Variants in GNPAT observed in about 807,000 individuals in gnomAD.
GNPAT encodes glyceronephosphate O-acyltransferase, also known as dihydroxyacetone phosphate acyltransferase.
GNPAT carries 30 observed loss-of-function variants against 78.4 expected under a neutral mutation model. That is an observed-to-expected ratio of 0.38 (90% CI 0.29 to 0.52). The LOEUF (loss-of-function observed/expected upper bound fraction) is 0.52. Ranked by LOEUF, GNPAT falls within the 20% of genes least tolerant of loss-of-function variation. The probability of loss-of-function intolerance (pLI) is 0.84; values close to 1 mark genes in which losing one functional copy is unlikely to be tolerated. For synonymous variants in GNPAT, 271 were observed against 281.1 expected (o/e 0.96, Z 0.36); for missense variants, 714 against 812.2 (o/e 0.88, Z 1.47).
intron 12 of GNPAT, chr1:231,274,928 A>G (rs1464375039): frequency 5.7e-6 from 2 of 352,476 alleles, no homozygotes; most frequent in South Asian, 2.6e-5. Context: ...CCCAAGTAGC[A>G]TAAGAGATAC....
At chr1:231,249,196 G>T (rs893124682) in intron 1 of GNPAT, among the ~76,000 whole-genome samples, 3 of 152,210 alleles carry the variant, frequency 2.0e-5, no homozygotes, top group Non-Finnish European at 2.9e-5. Context: ...TGTGGGATTT[G>T]AGAAGGTTTT....
intron 2 of GNPAT, among the ~76,000 whole-genome samples, chr1:231,254,346 A>G (rs938696036): frequency 2.0e-5 from 3 of 152,172 alleles, no homozygotes; most frequent in African/African-American, 7.2e-5. Context: ...TCATTCTCCA[A>G]AATGACAGTT....
chr1:231,254,262 C>T (rs1345099236), intron 2 of GNPAT, among the ~76,000 whole-genome samples: 1 of 152,202 alleles, frequency 6.6e-6, no homozygotes, highest in Non-Finnish European at 1.5e-5. Context: ...TGGAATCGTA[C>T]AAATTCATAA....
Position 231,267,821 on chromosome 1 carries a change from C to T in GNPAT, c.1197C>T (p.Ser399=). The change falls in exon 9 of 16, where the codon TCC becomes TCT. Residue 399 remains serine (S), a synonymous_variant. Transcript: ENST00000366647. Reference sequence around the variant, plus strand: ...CTGTTCTGCTTCAGAACCGGCCATCCATGGACTTTGATGCTCTGGTGGAAA... The same window carrying T: ...CTGTTCTGCTTCAGAACCGGCCATCTATGGACTTTGATGCTCTGGTGGAAA... The part of the protein sequence containing the change: ...IVAVLLQNRP[S]MDFDALVEKT... 1 of 1,613,794 alleles carries T rather than the reference C, an allele frequency of 6.2e-7. No homozygotes were observed. Among genetic ancestry groups the T allele is most frequent in the South Asian group, 1.1e-5 (1 of 91,068 alleles).
At chr1:231,252,357 C>A (rs531459097) in intron 2 of GNPAT, among the ~76,000 whole-genome samples, 1 of 152,134 alleles carries the variant, frequency 6.6e-6, no homozygotes, top group Non-Finnish European at 1.5e-5. Context: ...TAAGAGGGAA[C>A]CAGTTTGGGA....
intron 9 of GNPAT, chr1:231,269,867 C>T (rs1685508690): frequency 6.6e-6 from 1 of 152,060 alleles, no homozygotes; most frequent in East Asian, 1.9e-4. Flanking sequence ...ATGCAGATTA[C>T]CCCACATTCC....
At chr1:231,241,507 C>T (rs941322333) in intron 1 of GNPAT, 51 bp downstream of exon 1, 1 of 1,283,744 alleles carries the variant, frequency 7.8e-7, no homozygotes, top group Admixed American at 1.7e-5. Context: ...GAAATAGTAC[C>T]CCTTTCTCCC....
At chr1:231,264,397 T>C (rs1685315877) in intron 4 of GNPAT, among the ~76,000 whole-genome samples, 1 of 152,240 alleles carries the variant, frequency 6.6e-6, no homozygotes, top group African/African-American at 2.4e-5. Flanking sequence ...AATACATTTT[T>C]ATATTGGTGC....
chr1:231,241,442 G>C lies in GNPAT; in HGVS notation c.64G>C (p.Val22Leu), dbSNP rs1158735600. The C allele has an allele frequency of 6.2e-7, 1 of 1,612,620 alleles. No homozygotes were observed. The highest frequency in any genetic ancestry group is 1.1e-5 in the South Asian group (1 of 91,044). The part of the protein sequence containing the change: ...SVGPTSPSAV[V>L]LLYSKELKKW... Reference sequence around the variant, plus strand: ...TGGCCCAACCAGTCCCAGCGCTGTCGTGCTCCTCTACTCGGTAGGCGCCCA... The same window carrying C: ...TGGCCCAACCAGTCCCAGCGCTGTCCTGCTCCTCTACTCGGTAGGCGCCCA... Residue 22 changes from valine to leucine, a missense_variant, in exon 1 of 16, where the codon GTG (valine) becomes CTG (leucine). Transcript: ENST00000366647.
chr1:231,274,412 T>C (rs1685654276), intron 12 of GNPAT, among the ~76,000 whole-genome samples: 1 of 152,200 alleles, frequency 6.6e-6, no homozygotes, highest in Non-Finnish European at 1.5e-5. Flanking sequence ...AGGTTTGATA[T>C]ATATCAGGCA....
chr1:231,270,950 G>C lies in GNPAT; in HGVS notation c.1472G>C (p.Arg491Pro). Reference sequence around the variant, plus strand: ...AACCAGCTGCTCAACATTTTTGTGCGCCCATCCTTAGTAGCAGTAGCATTG... The same window carrying C: ...AACCAGCTGCTCAACATTTTTGTGCCCCCATCCTTAGTAGCAGTAGCATTG... ...YRNQLLNIFVRPSLVAVALQM... is the reference protein window; with the variant it reads ...YRNQLLNIFVPPSLVAVALQM... Residue 491 changes from arginine to proline, a missense_variant, in exon 10 of 16, where the codon CGC becomes CCC. Coordinates refer to ENST00000366647, the MANE Select transcript of GNPAT (RefSeq NM_014236.4). The C allele has an allele frequency of 6.2e-7, 1 of 1,613,880 alleles. No homozygotes were observed. The highest frequency in any genetic ancestry group is 8.5e-7 in the Non-Finnish European group (1 of 1,179,810).
chr1:231,263,754 C>T (rs1325570771), intron 4 of GNPAT, among the ~76,000 whole-genome samples: 1 of 152,012 alleles, frequency 6.6e-6, no homozygotes, highest in Admixed American at 6.6e-5. Context: ...TTGCCAACAC[C>T]TGTTATTTTC....
At chr1:231,258,540 G>C (rs1685128705) in intron 2 of GNPAT, among the ~76,000 whole-genome samples, 1 of 151,594 alleles carries the variant, frequency 6.6e-6, no homozygotes, top group Non-Finnish European at 1.5e-5. Context: ...TCTATAAACA[G>C]GTCCGAGGCT....
chr1:231,251,121 A>C lies in GNPAT; in HGVS notation c.239A>C (p.Glu80Ala). 6.3e-7 allele frequency: 1 copy of C among 1,585,150 alleles called. No individual in the cohort carries two copies. Residue 80 changes from glutamate to alanine, a missense_variant, in exon 2 of 16, where the codon GAG becomes GCG. Coordinates refer to ENST00000366647, the MANE Select transcript of GNPAT (RefSeq NM_014236.4). ...DIKCSVLNSEEIHYVIKQLSK... is the reference protein window; with the variant it reads ...DIKCSVLNSEAIHYVIKQLSK... ...AAATGTAGTGTTCTCAATTCTGAGG[A>C]GATTCATTATGTCATTAAACAGGTA...
At chr1:231,266,215 A>T (rs1403577710) in intron 7 of GNPAT, 50 bp downstream of exon 7, 21 of 1,612,942 alleles carry the variant, frequency 1.3e-5, no homozygotes, top group Non-Finnish European at 1.8e-5. Context: ...TGACTGACAC[A>T]TCAACTAATT....
At chr1:231,277,099 A>T (rs988838920) in intron 15 of GNPAT, among the ~76,000 whole-genome samples, 5 of 152,204 alleles carry the variant, frequency 3.3e-5, no homozygotes, top group Non-Finnish European at 2.9e-5. Flanking sequence ...AGAAAAAAAT[A>T]TGTAGGTCGA....
chr1:231,241,505 AC>A (rs1558321088), intron 1 of GNPAT, 49 bp downstream of exon 1: 1 of 1,311,880 alleles, frequency 7.6e-7, no homozygotes, highest in Admixed American at 1.7e-5. Flanking sequence ...GCGAAATAGT[AC>A]CCCTTTCTCC....
intron 1 of GNPAT, among the ~76,000 whole-genome samples, chr1:231,246,789 A>G (rs1406004091): frequency 6.6e-6 from 1 of 152,252 alleles, no homozygotes; most frequent in Non-Finnish European, 1.5e-5. Context: ...GACCAAATTA[A>G]TCAGAAATCT....
intron 1 of GNPAT, among the ~76,000 whole-genome samples, chr1:231,245,559 A>G (rs918922431): frequency 6.6e-6 from 1 of 151,856 alleles, no homozygotes; most frequent in Non-Finnish European, 1.5e-5. Flanking sequence ...CCGCAGCTTT[A>G]TTTTCCTTAT....
Sources: allele counts gnomAD v4.1 joint callset (sites outside exome capture counted in the v4.1 genomes callset), GRCh38; gene constraint gnomAD v4.1.1; transcripts MANE v1.5; gene names NCBI Gene and HGNC (gene_info 2026-07-23, HGNC 2026-07-21).